The following TDRD5 variants were observed in gnomAD, a reference collection of about 807,000 sequenced individuals.
The protein encoded by TDRD5 is tudor domain containing 5, also known as tudor domain-containing protein 5.
TDRD5 carries 41 observed loss-of-function variants against 120.6 expected under a neutral mutation model. The observed-to-expected ratio is 0.34, with a 90% confidence interval of 0.26 to 0.44. TDRD5 has a LOEUF of 0.44. Among genes scored for constraint, TDRD5 ranks in the 20% least tolerant of loss-of-function variants. TDRD5 has a pLI of 1.00. For missense variants in TDRD5, 1,006 were observed against 1,221.2 expected, an observed-to-expected ratio of 0.82 and a Z score of 2.63; for synonymous variants, 430 against 433.7, an observed-to-expected ratio of 0.99 and a Z score of 0.11.
chr1:179,650,400 C>CAAAAAAAA (rs35053562), intron 11 of TDRD5, among the ~76,000 whole-genome samples: 1 of 90,958 alleles, frequency 1.1e-5, no homozygotes, highest in Non-Finnish European at 2.1e-5. Flanking sequence ...GACTCTGTCT[C>CAAAAAAAA]AAAAAAAAAA....
At chr1:179,687,102 T>A (rs575482156) in intron 17 of TDRD5, among the ~76,000 whole-genome samples, 1 of 152,332 alleles carries the variant, frequency 6.6e-6, no homozygotes, top group South Asian at 2.1e-4. Context: ...ATGTGTTTGC[T>A]CTTGCTTCTC....
chr1:179,655,260 C>T (rs1353450261), intron 14 of TDRD5, among the ~76,000 whole-genome samples: 3 of 152,152 alleles, frequency 2.0e-5, no homozygotes. Flanking sequence ...CACACACAAA[C>T]ATAACCTTTT....
chr1:179,652,230 T>C (rs777164717), intron 13 of TDRD5, 33 bp downstream of exon 13: 6 of 1,558,274 alleles, frequency 3.9e-6, no homozygotes, highest in Non-Finnish European at 3.5e-6. Context: ...ATTATAATTC[T>C]TTTTATTACT....
At chr1:179,599,535 C>CTT (rs536558776) in intron 4 of TDRD5, among the ~76,000 whole-genome samples, 2 of 141,226 alleles carry the variant, frequency 1.4e-5, no homozygotes, top group Admixed American at 1.4e-4. Context: ...TTTATGCTTT[C>CTT]TTTTTTTTTT....
chr1:179,594,560 A>G (rs190966690), intron 3 of TDRD5, among the ~76,000 whole-genome samples: 6 of 152,386 alleles, frequency 3.9e-5, no homozygotes, highest in Admixed American at 6.5e-5. Context: ...TAAAGGCTCA[A>G]GAGACCAGTG....
intron 4 of TDRD5, among the ~76,000 whole-genome samples, chr1:179,602,387 A>C (rs1397757888): frequency 6.6e-6 from 1 of 151,894 alleles, no homozygotes; most frequent in Non-Finnish European, 1.5e-5. Context: ...TCCTTAGCCC[A>C]CTTCTTGATG....
intron 17 of TDRD5, among the ~76,000 whole-genome samples, chr1:179,680,126 GTCTT>G (rs1331291780): frequency 6.6e-6 from 1 of 152,026 alleles, no homozygotes; most frequent in Non-Finnish European, 1.5e-5. Context: ...TTTTCCAGAT[GTCTT>G]TCTATTGTTT....
intron 17 of TDRD5, among the ~76,000 whole-genome samples, chr1:179,671,948 T>TGG (rs1019384378): frequency 4.2e-5 from 5 of 118,502 alleles, no homozygotes; most frequent in Admixed American, 2.7e-4. Context: ...AAATATTCCA[T>TGG]GGTGTGTGTG....
rs774568907 is a variant in TDRD5, at chr1:179,592,826, G to A, written c.211G>A (p.Gly71Ser). Reference sequence around the variant, plus strand: ...TGTTGTTCGTGTCTGCCCCGGTGCAGGTGGTACTGTAATACTGAAAGGTAG... The same window carrying A: ...TGTTGTTCGTGTCTGCCCCGGTGCAAGTGGTACTGTAATACTGAAAGGTAG... ...PDVVRVCPGA[G>S]GTVILKAIPD... The change falls in exon 2 of 18, where the codon GGT becomes AGT. Residue 71 changes from glycine (G) to serine (S), a missense_variant. Gly to Ser is a moderately conservative substitution (Grantham distance 56). Transcript: ENST00000444136. The A allele has an allele frequency of 6.2e-7, 1 of 1,614,070 alleles. No homozygotes were observed. The highest frequency in any genetic ancestry group is 8.5e-7 in the Non-Finnish European group (1 of 1,180,046).
intron 11 of TDRD5, among the ~76,000 whole-genome samples, chr1:179,645,628 C>T (rs926301439): frequency 1.1e-4 from 17 of 152,100 alleles, no homozygotes; most frequent in African/African-American, 3.9e-4. Flanking sequence ...AACTCTTATT[C>T]GTTCTGATTT....
At chr1:179,647,627 A>T (rs1400667598) in intron 11 of TDRD5, among the ~76,000 whole-genome samples, 1 of 152,126 alleles carries the variant, frequency 6.6e-6, no homozygotes, top group African/African-American at 2.4e-5. Flanking sequence ...GCTTCTGCAC[A>T]GCAAAAGAAA....
In TDRD5 at chr1:179,649,950, G is replaced by A. The variant is rs112847707; in HGVS notation, c.1801-917G>A. Among the ~76,000 whole-genome samples, 253 of 152,220 alleles carry A rather than the reference G, an allele frequency of 1.7e-3. 1 individual carries two copies. The highest frequency in any genetic ancestry group is 5.9e-3 in the African/African-American group (245 of 41,566). On this transcript the variant is annotated intron_variant, in intron 11 of 17. Coordinates refer to ENST00000444136, the MANE Select transcript of TDRD5 (RefSeq NM_001199085.3). ...AACTTGAGGATGTGTAGACCACCCT[G>A]GTAATGTGAAAACTGAGCTGCAAAT...
chr1:179,673,843 T>C (rs1308064027), intron 17 of TDRD5, among the ~76,000 whole-genome samples: 5 of 152,214 alleles, frequency 3.3e-5, no homozygotes, highest in African/African-American at 9.6e-5. Flanking sequence ...CTTGATTTGA[T>C]TCTCAGCTTG....
chr1:179,659,180 A>G (rs926697289), intron 14 of TDRD5, among the ~76,000 whole-genome samples: 3 of 152,188 alleles, frequency 2.0e-5, no homozygotes, highest in African/African-American at 7.2e-5. Context: ...CTAGCTTGGT[A>G]AATGTCCATG....
intron 14 of TDRD5, among the ~76,000 whole-genome samples, chr1:179,654,606 T>C (rs967325696): frequency 2.0e-5 from 3 of 151,808 alleles, no homozygotes; most frequent in African/African-American, 7.3e-5. Context: ...CTCTACAAAA[T>C]GTACCAAAAA....
chr1:179,647,802 T>TTC (rs1678469317), intron 11 of TDRD5, among the ~76,000 whole-genome samples: 1 of 147,896 alleles, frequency 6.8e-6, no homozygotes, highest in African/African-American at 2.5e-5. Context: ...GAACAGACAC[T>TTC]TCTCAAAAGA....
chr1:179,612,799 G>A (rs72706724), intron 4 of TDRD5, among the ~76,000 whole-genome samples: 15,665 of 151,958 alleles, frequency 0.1, 882 homozygotes, highest in African/African-American at 0.13. Context: ...GCTGGGGTGT[G>A]GTGGCACATG....
At chr1:179,654,432 C>G in intron 14 of TDRD5, 70 bp downstream of exon 14, 1 of 1,389,872 alleles carries the variant, frequency 7.2e-7, no homozygotes, top group East Asian at 2.5e-5. Flanking sequence ...GTGAAGAGGA[C>G]TGGAATAAAC....
In TDRD5 at chr1:179,634,779, G is replaced by A. The variant is rs1009030085; in HGVS notation, c.1299+150G>A. On this transcript the variant is annotated intron_variant, in intron 8 of 17. Coordinates refer to ENST00000444136, the MANE Select transcript of TDRD5 (RefSeq NM_001199085.3). ...GAAATCATCTTTGTATTGAAGTTAT[G>A]TCATATAGCATTCTTTCTGGTTTTC... 4.2e-6 allele frequency: 4 copies of A among 944,420 alleles called. No homozygotes were observed. In the African/African-American group the frequency reaches 6.7e-5, roughly 16 times the overall value. 58.5% of individuals were successfully genotyped at this position (944,420 alleles called of 1,614,324 possible).
Sources: gnomAD v4.1 joint callset for allele counts (sites outside exome capture counted in the v4.1 genomes callset) on GRCh38, gnomAD v4.1.1 for gene constraint, MANE v1.5 for transcripts, NCBI Gene and HGNC (gene_info 2026-07-23, HGNC 2026-07-21) for gene names.